The following GRHL2 variants were observed in gnomAD, a reference collection of about 807,000 sequenced individuals.
The protein encoded by GRHL2 is grainyhead like transcription factor 2.
GRHL2 carries 21 observed loss-of-function variants against 83.8 expected under a neutral mutation model. That is an observed-to-expected ratio of 0.25 (90% confidence interval 0.18 to 0.36). GRHL2 has a LOEUF of 0.36. Ranked by LOEUF, GRHL2 falls within the 10% of genes least tolerant of loss-of-function variation. The probability of loss-of-function intolerance (pLI) is 1.00; values close to 1 mark genes in which losing one functional copy is unlikely to be tolerated. For missense variants in GRHL2, 623 were observed against 781.8 expected, an observed-to-expected ratio of 0.80 and a Z score of 2.42; for synonymous variants, 280 against 278.9, an observed-to-expected ratio of 1.00 and a Z score of -0.04.
chr8:101,627,978 C>T (rs1261190789), intron 9 of GRHL2, among the ~76,000 whole-genome samples: 1 of 152,124 alleles, frequency 6.6e-6, no homozygotes, highest in African/African-American at 2.4e-5. Context: ...TCGTAACATT[C>T]AAGCAAAGAA....
At chr8:101,659,602 CT>C (rs1399192353) in intron 14 of GRHL2, among the ~76,000 whole-genome samples, 9 of 152,188 alleles carry the variant, frequency 5.9e-5, no homozygotes, top group African/African-American at 2.2e-4. Context: ...TTCAGCAAAT[CT>C]TCGCTCAGAG....
At chr8:101,596,198 A>G (rs924980574) in intron 7 of GRHL2, among the ~76,000 whole-genome samples, 2 of 152,148 alleles carry the variant, frequency 1.3e-5, no homozygotes, top group Admixed American at 6.5e-5. Context: ...TCAAAAACAA[A>G]ATGAAAGATG....
At chr8:101,654,881 C>T (rs1452866264) in intron 14 of GRHL2, among the ~76,000 whole-genome samples, 1 of 152,148 alleles carries the variant, frequency 6.6e-6, no homozygotes, top group Non-Finnish European at 1.5e-5. Flanking sequence ...TTGAGTTTGT[C>T]TTCATTAAAG....
At chr8:101,519,990 ACT>A (rs1810650716) in intron 1 of GRHL2, among the ~76,000 whole-genome samples, 1 of 152,170 alleles carries the variant, frequency 6.6e-6, no homozygotes, top group Admixed American at 6.5e-5. Flanking sequence ...AATCAGGCAA[ACT>A]CAAGTTTAAT....
intron 4 of GRHL2, among the ~76,000 whole-genome samples, 183 bp downstream of exon 4, chr8:101,558,995 CGA>C (rs1491357249): frequency 4.6e-5 from 7 of 152,132 alleles, no homozygotes; most frequent in South Asian, 2.1e-4. Context: ...ATAAACCTGT[CGA>C]TGTGTATGTG....
chr8:101,663,070 C>G (rs1813957890), intron 14 of GRHL2, among the ~76,000 whole-genome samples: 1 of 152,088 alleles, frequency 6.6e-6, no homozygotes, highest in Non-Finnish European at 1.5e-5. Flanking sequence ...GCAGTTTTCT[C>G]TATCCTAAAC....
At chr8:101,651,856 G>A (rs189183406) in intron 14 of GRHL2, among the ~76,000 whole-genome samples, 278 of 152,250 alleles carry the variant, frequency 1.8e-3, no homozygotes, top group South Asian at 0.017. Context: ...AAAAGAAAAG[G>A]TTTCATTGAA....
intron 2 of GRHL2, among the ~76,000 whole-genome samples, chr8:101,545,912 T>G (rs1414812617): frequency 7.1e-6 from 1 of 140,314 alleles, no homozygotes; most frequent in African/African-American, 2.7e-5. Context: ...AGATGGAGTC[T>G]TGCTCTGTCA....
At chr8:101,672,186 G>A (rs139570562), downstream of GRHL2, among the ~76,000 whole-genome samples, 353 of 151,832 alleles carry the variant, frequency 2.3e-3, 9 homozygotes, top group East Asian at 0.057. Context: ...CATCAGCAGC[G>A]GAACAAAGCT....
intron 3 of GRHL2, among the ~76,000 whole-genome samples, chr8:101,558,013 C>T (rs528671013): frequency 7.2e-5 from 11 of 152,196 alleles, no homozygotes; most frequent in Middle Eastern, 3.4e-3. Context: ...TACAGGCATG[C>T]GCCACCACTC....
intron 8 of GRHL2, among the ~76,000 whole-genome samples, chr8:101,602,151 A>G (rs1013874325): frequency 1.3e-5 from 2 of 152,254 alleles, no homozygotes; most frequent in African/African-American, 4.8e-5. Flanking sequence ...CTACTTCATT[A>G]GAAAGGCTGA....
chr8:101,576,066 T>C (rs1811927316), intron 6 of GRHL2, among the ~76,000 whole-genome samples: 1 of 152,262 alleles, frequency 6.6e-6, no homozygotes, highest in South Asian at 2.1e-4. Flanking sequence ...TGTCTGTTAT[T>C]CGTCAGGTGC....
chr8:101,510,757 A>G (rs1810444577), intron 1 of GRHL2, among the ~76,000 whole-genome samples: 1 of 152,158 alleles, frequency 6.6e-6, no homozygotes. Context: ...TTTTCTAGGC[A>G]TTGTACCACA....
intron 2 of GRHL2, among the ~76,000 whole-genome samples, chr8:101,545,492 T>A (rs1232217116): frequency 6.7e-6 from 1 of 150,188 alleles, no homozygotes; most frequent in Non-Finnish European, 1.5e-5. Flanking sequence ...CCAAAATGAT[T>A]TCATGGTAGG....
intron 7 of GRHL2, among the ~76,000 whole-genome samples, chr8:101,586,819 G>A (rs967162579): frequency 4.6e-5 from 7 of 152,032 alleles, no homozygotes; most frequent in Non-Finnish European, 1.0e-4. Flanking sequence ...ATCTGACTGG[G>A]GTTGGACTCT....
At chr8:101,648,110 C>T (rs2129687372) in intron 13 of GRHL2, among the ~76,000 whole-genome samples, 1 of 152,234 alleles carries the variant, frequency 6.6e-6, no homozygotes, top group East Asian at 1.9e-4. Context: ...AGGAGGGAGA[C>T]CACTCAGTGG....
At chr8:101,671,886 G>C (rs4734578), downstream of GRHL2, among the ~76,000 whole-genome samples, 59,462 of 151,602 alleles carry the variant, frequency 0.39, 12,026 homozygotes, top group South Asian at 0.53. Flanking sequence ...CACCAATATC[G>C]ACTGTTCTAC....
At chr8:101,560,027 G>C (rs1194613713) in intron 4 of GRHL2, among the ~76,000 whole-genome samples, 1 of 152,064 alleles carries the variant, frequency 6.6e-6, no homozygotes, top group Non-Finnish European at 1.5e-5. Flanking sequence ...TGTTTTTGAG[G>C]TGGAGTCTCA....
At chr8:101,509,984 T>TTTTA (rs150177284) in intron 1 of GRHL2, among the ~76,000 whole-genome samples, 26 of 152,160 alleles carry the variant, frequency 1.7e-4, no homozygotes, top group South Asian at 4.2e-4. Flanking sequence ...TATTGCATAT[T>TTTTA]TTTATTTATT....
Sources: gnomAD v4.1 joint callset for allele counts (sites outside exome capture counted in the v4.1 genomes callset) on GRCh38, gnomAD v4.1.1 for gene constraint, MANE v1.5 for transcripts, NCBI Gene and HGNC (gene_info 2026-07-23, HGNC 2026-07-21) for gene names.